Variants in ZNF778 observed in about 807,000 individuals in gnomAD.
ZNF778 encodes the protein zinc finger protein 778.
Under a neutral mutation model 23.9 loss-of-function variants are expected in ZNF778, and 37 were observed. The observed-to-expected ratio is 1.54, with a 90% CI of 1.19 to 2.03. ZNF778 has a LOEUF of 2.03. Ranked by LOEUF, ZNF778 falls within the 30% of genes most tolerant of loss-of-function variation. ZNF778 has a pLI of 0.00. For missense variants in ZNF778, 1,297 were observed against 934.4 expected (o/e 1.39, Z -5.06); for synonymous variants, 483 against 343.9 (o/e 1.40, Z -4.48).
intron 4 of ZNF778, among the ~76,000 whole-genome samples, chr16:89,224,011 T>C (rs150298888): frequency 0.011 from 1,674 of 150,752 alleles, 31 homozygotes; most frequent in African/African-American, 0.038. Flanking sequence ...CTCAGGGCTG[T>C]AATCCCAGCA....
Position 89,226,836 on chromosome 16 carries a change from T to G in ZNF778, c.548T>G (p.Phe183Cys), listed in dbSNP as rs369039318. The G allele has an allele frequency of 1.9e-6, 3 of 1,614,032 alleles. No individual in the cohort carries two copies. Among genetic ancestry groups the G allele is most frequent in the Admixed American group, 1.7e-5 (1 of 60,032 alleles). ...TCTAATCATTATGAAAGGGACTTTTTTATTCCATGCCAGAAAACCTTGTTC... is the reference window on the plus strand; with the variant it reads ...TCTAATCATTATGAAAGGGACTTTTGTATTCCATGCCAGAAAACCTTGTTC... ...CVSNHYERDF[F>C]IPCQKTLFKI... The change falls in exon 7 of 7, where the codon TTT becomes TGT. Residue 183 changes from phenylalanine (F) to cysteine (C), a missense_variant. Transcript: ENST00000433976.
rs2031986940 is a variant in ZNF778 at position 89,232,652 on chromosome 16, T to C, written c.*4090T>C. 4.2e-6 allele frequency: 5 copies of C among 1,203,840 alleles called. No homozygotes were observed. In the African/African-American group the frequency reaches 4.8e-5, roughly 11 times the overall value. The allele number at this position is 1,203,840 out of a possible 1,614,324, so 74.6% of individuals were successfully genotyped here. A position where few individuals can be genotyped will look rare whatever the true frequency, so the allele number is the denominator to read the frequency against. ...AATTGTATTAATTATGTTTTTTTTT[T>C]TTTTGTTAGGGTACATTTTCATCCT... On this transcript the variant is annotated 3_prime_UTR_variant, in exon 7 of 7. Transcript: ENST00000433976.
At position 89,221,152 on chromosome 16, in the gene ZNF778, G is replaced by C. The variant is rs763303975; in HGVS notation, c.25G>C (p.Gly9Arg). The C allele has an allele frequency of 4.5e-6, 7 of 1,562,362 alleles. No individual in the cohort carries two copies. The African/African-American group carries it at 9.5e-5, about 21-fold the overall frequency. Residue 9 changes from glycine to arginine, a missense_variant and splice_region_variant, in exon 2 of 7, where the codon GGA (glycine) becomes CGA (arginine). By Grantham distance (125) the Gly-to-Arg change is moderately radical. Coordinates refer to ENST00000433976, the MANE Select transcript of ZNF778 (RefSeq NM_001201407.2). ...GATGGCAGCCCCTGACCTGGCCCACGGTAAGTCCTGGTGGGGCTCCTTCTC... is the reference window on the plus strand; with the variant it reads ...GATGGCAGCCCCTGACCTGGCCCACCGTAAGTCCTGGTGGGGCTCCTTCTC... The part of the protein sequence containing the change: MAAPDLAH[G>R]GHVSRDSVCL...
intron 1 of ZNF778, 71 bp from the exon 2 acceptor site, chr16:89,220,926 C>A: frequency 1.7e-6 from 1 of 589,392 alleles, no homozygotes; most frequent in Non-Finnish European, 3.0e-6. Flanking sequence ...TCACATATAT[C>A]ATCTGCAGAA....
chr16:89,219,006 C>G lies in ZNF778; in HGVS notation c.-132+1096C>G, dbSNP rs1006265749. On this transcript the variant is annotated intron_variant, in intron 1 of 6. Coordinates refer to ENST00000433976, the MANE Select transcript of ZNF778 (RefSeq NM_001201407.2). ...CCTGTAATCCCAGCTAGTCGGGAGG[C>G]TGAGGCAGGAGAATCGCTTGAACCT... 3.0e-4 allele frequency among the ~76,000 whole-genome samples: 46 copies of G among 152,058 alleles called. 1 individual carries two copies. The highest frequency in any genetic ancestry group is 2.8e-3 in the Admixed American group (42 of 15,262).
chr16:89,222,451 C>A (rs1343380809), intron 3 of ZNF778, among the ~76,000 whole-genome samples: 1 of 152,186 alleles, frequency 6.6e-6, no homozygotes, highest in Admixed American at 6.5e-5. Context: ...GCAATCTCCG[C>A]CTCCCAGGTT....
chr16:89,226,954 C>G lies in ZNF778; in HGVS notation c.666C>G (p.Asp222Glu). 6.2e-7 allele frequency: 1 copy of G among 1,614,022 alleles called. No homozygotes were observed. The highest frequency in any genetic ancestry group is 8.5e-7 in the Non-Finnish European group (1 of 1,179,900). ...NVVSQQACTRDRSLDYSSCGE... is the reference protein window; with the variant it reads ...NVVSQQACTRERSLDYSSCGE... ...TTTCCCAGCAAGCATGCACTCGGGA[C>G]AGATCTCTTGACTACAGCAGCTGTG... The change falls in exon 7 of 7, where the codon GAC (aspartate) becomes GAG (glutamate). Residue 222 changes from aspartate (D) to glutamate (E), a missense_variant. Transcript: ENST00000433976.
rs1177904573 is a variant in ZNF778 at position 89,233,919 on chromosome 16, C to T, written c.*5357C>T. ...AGTCAGCCCAGGATGAGGCACTAGA[C>T]AGCAGGACATGCTGTATGCCCTTGG... On this transcript the variant is annotated 3_prime_UTR_variant, in exon 7 of 7. Transcript: ENST00000433976. The T allele has an allele frequency of 2.3e-6, 3 of 1,289,146 alleles. No homozygotes were observed. Among genetic ancestry groups the T allele is most frequent in the South Asian group, 2.5e-5 (2 of 81,024 alleles). The allele number at this position is 1,289,146 out of a possible 1,614,324, so 79.9% of individuals were successfully genotyped here.
chr16:89,232,215 C>T lies in ZNF778; in HGVS notation c.*3653C>T. The T allele has an allele frequency of 5.7e-6, 1 of 176,158 alleles. No individual in the cohort carries two copies. The highest frequency in any genetic ancestry group is 1.2e-5 in the Non-Finnish European group (1 of 80,860). The allele number at this position is 176,158 out of a possible 1,614,324, so 10.9% of individuals were successfully genotyped here. A position where few individuals can be genotyped will look rare whatever the true frequency, so the allele number is the denominator to read the frequency against. On this transcript the variant is annotated 3_prime_UTR_variant, in exon 7 of 7. Transcript: ENST00000433976. The stretch of plus-strand genomic sequence containing the variant: ...GCCTGGATTGGTTTGTAGGGGAATG[C>T]ACTAGTTACTGGGAGCATGGTTGTG...
chr16:89,233,852 T>C lies in ZNF778; in HGVS notation c.*5290T>C. 2 of 1,290,180 alleles carry C rather than the reference T, an allele frequency of 1.6e-6. No homozygotes were observed. The highest frequency in any genetic ancestry group is 2.0e-6 in the Non-Finnish European group (2 of 989,374). 79.9% of individuals were successfully genotyped at this position (1,290,180 alleles called of 1,614,324 possible). A position where few individuals can be genotyped will look rare whatever the true frequency, so the allele number is the denominator to read the frequency against. ...CAAGTACTTATTTCCGGCCACTTCC[T>C]TTTTCTAACTACCACACCAAGCCAG... On this transcript the variant is annotated 3_prime_UTR_variant, in exon 7 of 7. Coordinates refer to ENST00000433976, the MANE Select transcript of ZNF778 (RefSeq NM_001201407.2).
Position 89,235,711 on chromosome 16 carries a change from A to T in ZNF778, c.*7149A>T, listed in dbSNP as rs1038735199. 3 of 152,230 alleles carry T rather than the reference A, an allele frequency of 2.0e-5. No homozygotes were observed. The highest frequency in any genetic ancestry group is 2.9e-5 in the Non-Finnish European group (2 of 68,038). 9.4% of individuals were successfully genotyped at this position (152,230 alleles called of 1,614,324 possible). On this transcript the variant is annotated 3_prime_UTR_variant, in exon 7 of 7. Coordinates refer to ENST00000433976, the MANE Select transcript of ZNF778 (RefSeq NM_001201407.2). ...AGTGTTATGATACCAAATGGCTAAC[A>T]TTCATGACCTCAGTATCCTGGAAGA... is the stretch of plus-strand genomic sequence containing the variant.
rs1352522096 is a variant in ZNF778, at chr16:89,222,098, A to G, written c.32A>G (p.His11Arg). MAAPDLAHGG[H>R]VSRDSVCLHE... The stretch of plus-strand genomic sequence containing the variant: ...TGCCTTCTTTGTTTTTTAGGAGGTC[A>G]TGTTTCTAGGGACTCAGTCTGCCTT... Residue 11 changes from histidine (H) to arginine (R), a missense_variant, in exon 3 of 7, where the codon CAT becomes CGT. Physicochemically the swap from His to Arg is conservative, Grantham distance 29 (BLOSUM62 0). Coordinates refer to ENST00000433976, the MANE Select transcript of ZNF778 (RefSeq NM_001201407.2). 2 of 1,594,476 alleles carry G rather than the reference A, an allele frequency of 1.3e-6. No homozygotes were observed. Among genetic ancestry groups the G allele is most frequent in the East Asian group, 2.3e-5 (1 of 43,790 alleles).
Position 89,227,451 on chromosome 16 carries a change from C to T in ZNF778, c.1163C>T (p.Thr388Met), listed in dbSNP as rs371346869. 1.5e-5 allele frequency: 24 copies of T among 1,613,648 alleles called. No homozygotes were observed. Among genetic ancestry groups the T allele is most frequent in the East Asian group, 6.7e-5 (3 of 44,870 alleles). ...CTGAATGAGCATGGAAAAACTCACACGAGGGAGAAGCCCTTTGCATGTGTG... is the reference window on the plus strand; with the variant it reads ...CTGAATGAGCATGGAAAAACTCACATGAGGGAGAAGCCCTTTGCATGTGTG... Reference protein sequence around the residue: ...YLLNEHGKTHTREKPFACVVC... With the variant: ...YLLNEHGKTHMREKPFACVVC... The change falls in exon 7 of 7, where the codon ACG (threonine) becomes ATG (methionine). Residue 388 changes from threonine (T) to methionine (M), a missense_variant. Transcript: ENST00000433976.
intron 5 of ZNF778, 28 bp downstream of exon 5, chr16:89,224,830 T>C (rs2031322023): frequency 6.8e-7 from 1 of 1,469,002 alleles, no homozygotes; most frequent in East Asian, 2.5e-5. Context: ...GCCTGGTCGA[T>C]GTCAAGTTTA....
rs1349284933 is a variant in ZNF778, at chr16:89,223,255, G to A, written c.216G>A (p.Leu72=). The part of the protein sequence containing the change: ...SQRDLYRDVM[L]ENYENLASVG... ...GAGACCTCTACAGAGATGTGATGCTGGAAAACTACGAGAACCTGGCCTCAG... is the reference window on the plus strand; with the variant it reads ...GAGACCTCTACAGAGATGTGATGCTAGAAAACTACGAGAACCTGGCCTCAG... The change falls in exon 4 of 7, where the codon CTG becomes CTA. Residue 72 remains leucine, a synonymous_variant. Coordinates refer to ENST00000433976, the MANE Select transcript of ZNF778 (RefSeq NM_001201407.2). 1.4e-5 allele frequency: 22 copies of A among 1,613,646 alleles called. No individual in the cohort carries two copies. Among genetic ancestry groups the A allele is most frequent in the Non-Finnish European group, 1.6e-5 (19 of 1,179,904 alleles).
rs2032240184 is a variant in ZNF778, at chr16:89,236,448, A to G, written c.*7886A>G. ...GAAACAGAAGTAACGATGAGGCAAT[A>G]CAAAGAATTGCCTGCAGACCTGGTT... is the stretch of plus-strand genomic sequence containing the variant. On this transcript the variant is annotated 3_prime_UTR_variant, in exon 7 of 7. Coordinates refer to ENST00000433976, the MANE Select transcript of ZNF778 (RefSeq NM_001201407.2). 1 of 152,266 alleles carries G rather than the reference A, an allele frequency of 6.6e-6. No individual in the cohort carries two copies. The highest frequency in any genetic ancestry group is 1.9e-4 in the East Asian group (1 of 5,204). The allele number at this position is 152,266 out of a possible 1,614,324, so 9.4% of individuals were successfully genotyped here.
Position 89,231,476 on chromosome 16 carries a change from C to G in ZNF778, c.*2914C>G, listed in dbSNP as rs2031921761. ...ACAGACCTCAATTAAGACGACTACC[C>G]CTCCGACGACTCCCCCTCCCTTCAC... On this transcript the variant is annotated 3_prime_UTR_variant, in exon 7 of 7. Transcript: ENST00000433976. The G allele has an allele frequency of 6.6e-6, 1 of 152,196 alleles. No homozygotes were observed. The highest frequency in any genetic ancestry group is 2.4e-5 in the African/African-American group (1 of 41,428). 9.4% of individuals were successfully genotyped at this position (152,196 alleles called of 1,614,324 possible). A position where few individuals can be genotyped will look rare whatever the true frequency, so the allele number is the denominator to read the frequency against.
At position 89,227,253 on chromosome 16, in the gene ZNF778, C is replaced by G. The variant is rs201041202; in HGVS notation, c.965C>G (p.Ser322Cys). 1.2e-6 allele frequency: 2 copies of G among 1,613,928 alleles called. No individual in the cohort carries two copies. The highest frequency in any genetic ancestry group is 1.3e-5 in the African/African-American group (1 of 75,034). ...EECGKASPVS[S>C]SLTQHVRIHA... is the part of the protein sequence containing the mutation. ...TGTGGAAAAGCCTCCCCTGTTTCTT[C>G]CAGCCTAACTCAACATGTAAGAATT... The change falls in exon 7 of 7, where the codon TCC becomes TGC. Residue 322 changes from serine (S) to cysteine (C), a missense_variant. Transcript: ENST00000433976.
chr16:89,234,343 T>TA lies in ZNF778; in HGVS notation c.*5781_*5782insA. The TA allele has an allele frequency of 3.2e-6, 1 of 309,712 alleles. No homozygotes were observed. Among genetic ancestry groups the TA allele is most frequent in the South Asian group, 2.8e-5 (1 of 35,410 alleles). 19.2% of individuals were successfully genotyped at this position (309,712 alleles called of 1,614,324 possible). ...TTCTTTCTCTCTACTCGTTCAACCT[T>TA]CTTAGGGAGTGACGTTTTTTCCAAA... On this transcript the variant is annotated 3_prime_UTR_variant, in exon 7 of 7. Transcript: ENST00000433976.
Sources: allele counts gnomAD v4.1 joint callset (sites outside exome capture counted in the v4.1 genomes callset), GRCh38; gene constraint gnomAD v4.1.1; transcripts MANE v1.5; gene names NCBI Gene and HGNC (gene_info 2026-07-23, HGNC 2026-07-21).